DEFB116: variants seen among roughly 807,000 people sequenced by gnomAD.
DEFB116 encodes the protein beta-defensin 116.
Under a neutral mutation model 2.8 loss-of-function variants are expected in DEFB116, and 5 were observed. That is an observed-to-expected ratio of 1.80 (90% CI 0.94 to 3.79). The LOEUF (loss-of-function observed/expected upper bound fraction) is 3.79. DEFB116 is among the 30% of genes most tolerant of loss of function. The pLI is 0.00. For missense variants in DEFB116, 170 were observed against 118.0 expected (o/e 1.44, Z -2.04); for synonymous variants, 56 against 40.8 (o/e 1.37, Z -1.42).
intron 1 of DEFB116, among the ~76,000 whole-genome samples, chr20:31,308,126 C>G (rs1047108309): frequency 1.3e-5 from 2 of 151,926 alleles, no homozygotes; most frequent in Non-Finnish European, 2.9e-5. Flanking sequence ...TGGATATTAC[C>G]CTATCTCTAA....
At chr20:31,306,139 G>A (rs1466457427) in intron 1 of DEFB116, among the ~76,000 whole-genome samples, 1 of 152,054 alleles carries the variant, frequency 6.6e-6, no homozygotes, top group Non-Finnish European at 1.5e-5. Context: ...TGCCTGCTGT[G>A]CAACCAAACA....
chr20:31,306,217 C>T (rs1055637844), intron 1 of DEFB116, among the ~76,000 whole-genome samples: 2 of 152,130 alleles, frequency 1.3e-5, no homozygotes, highest in Admixed American at 6.6e-5. Flanking sequence ...TGATTCATTA[C>T]ATATTCATTC....
At chr20:31,307,355 G>A (rs527515518) in intron 1 of DEFB116, among the ~76,000 whole-genome samples, 2 of 151,938 alleles carry the variant, frequency 1.3e-5, no homozygotes, top group African/African-American at 4.8e-5. Flanking sequence ...GGGAAAACTA[G>A]GTATCTAGAT....
intron 1 of DEFB116, among the ~76,000 whole-genome samples, chr20:31,304,099 C>T (rs1208483729): frequency 1.3e-5 from 2 of 152,076 alleles, no homozygotes; most frequent in African/African-American, 4.8e-5. Context: ...ATTCACAGAT[C>T]CACATTCTCA....
Position 31,303,470 on chromosome 20 carries a change from C to T in DEFB116, c.68-17G>A, listed in dbSNP as rs1483637042. On this transcript the variant is annotated splice_polypyrimidine_tract_variant and intron_variant, in intron 1 of 1. Transcript: ENST00000400549. Reference sequence around the variant, plus strand: ...ACAGGCCACCTGGGAAAGACATGGCCATGTTTAGTTTCCATGCAGCAGTGA... The same window carrying T: ...ACAGGCCACCTGGGAAAGACATGGCTATGTTTAGTTTCCATGCAGCAGTGA... 5.6e-6 allele frequency: 9 copies of T among 1,612,142 alleles called. No homozygotes were observed. The highest frequency in any genetic ancestry group is 3.4e-5 in the Admixed American group (2 of 59,692).
intron 1 of DEFB116, among the ~76,000 whole-genome samples, chr20:31,306,080 T>C (rs1984985866): frequency 6.6e-6 from 1 of 152,104 alleles, no homozygotes; most frequent in Non-Finnish European, 1.5e-5. Flanking sequence ...CTCTGGACCT[T>C]TTTAAAAATT....
At chr20:31,307,008 T>C (rs1176018761) in intron 1 of DEFB116, among the ~76,000 whole-genome samples, 3 of 152,146 alleles carry the variant, frequency 2.0e-5, no homozygotes, top group East Asian at 1.9e-4. Flanking sequence ...CCCATTTCCT[T>C]ATTTAAATCA....
chr20:31,307,843 A>T (rs1245207005), intron 1 of DEFB116, among the ~76,000 whole-genome samples: 1 of 151,798 alleles, frequency 6.6e-6, no homozygotes, highest in Non-Finnish European at 1.5e-5. Flanking sequence ...ACTAACTACA[A>T]CTCAAGCCCT....
Position 31,303,265 on chromosome 20 carries a change from C to A in DEFB116, c.256G>T (p.Asp86Tyr), listed in dbSNP as rs181424547. Residue 86 changes from aspartate (D) to tyrosine (Y), a missense_variant, in exon 2 of 2, where the codon GAC becomes TAC. By Grantham distance (160) the Asp-to-Tyr change is radical. Coordinates refer to ENST00000400549, the MANE Select transcript of DEFB116 (RefSeq NM_001037731.1). Reference sequence around the variant, plus strand: ...GTAACTGACAAGTTGGAGTTAGAGTCGTAATCCTCCTTCACATTTTTAGAA... The same window carrying A: ...GTAACTGACAAGTTGGAGTTAGAGTAGTAATCCTCCTTCACATTTTTAGAA... ...TSSKNVKEDYDSNSNLSVTNS... is the reference protein window; with the variant it reads ...TSSKNVKEDYYSNSNLSVTNS... The A allele has an allele frequency of 1.2e-6, 2 of 1,613,534 alleles. No homozygotes were observed. The highest frequency in any genetic ancestry group is 1.7e-6 in the Non-Finnish European group (2 of 1,179,574).
chr20:31,303,805 G>C (rs1343522156), intron 1 of DEFB116, among the ~76,000 whole-genome samples: 1 of 152,112 alleles, frequency 6.6e-6, no homozygotes, highest in African/African-American at 2.4e-5. Flanking sequence ...CTTCTCCTGA[G>C]AGTATGAGGT....
intron 1 of DEFB116, among the ~76,000 whole-genome samples, chr20:31,304,784 C>T (rs1377559903): frequency 6.6e-6 from 1 of 152,030 alleles, no homozygotes; most frequent in Non-Finnish European, 1.5e-5. Flanking sequence ...AGGCCATGGA[C>T]TCAGTGCTAA....
intron 1 of DEFB116, among the ~76,000 whole-genome samples, chr20:31,308,252 T>C (rs1037788317): frequency 4.6e-5 from 7 of 152,138 alleles, no homozygotes; most frequent in African/African-American, 1.7e-4. Context: ...TAAGCCCCCA[T>C]CCCAATGACA....
At chr20:31,303,515 G>A (rs918269340) in intron 1 of DEFB116, 62 bp from the exon 2 acceptor site, 2 of 1,587,742 alleles carry the variant, frequency 1.3e-6, no homozygotes, top group African/African-American at 2.7e-5. Context: ...GATGAAGCAT[G>A]ATTTAAAGGA....
At chr20:31,307,814 A>G (rs1568708549) in intron 1 of DEFB116, among the ~76,000 whole-genome samples, 1 of 152,030 alleles carries the variant, frequency 6.6e-6, no homozygotes, top group Non-Finnish European at 1.5e-5. Flanking sequence ...ACTGAATAAG[A>G]TACCCACTTT....
chr20:31,305,530 T>C (rs1984973750), intron 1 of DEFB116, among the ~76,000 whole-genome samples: 1 of 152,144 alleles, frequency 6.6e-6, no homozygotes, highest in Non-Finnish European at 1.5e-5. Flanking sequence ...AGTTTCTTAC[T>C]CCTACAGCTT....
chr20:31,308,485 A>G (rs372157777), intron 1 of DEFB116, 34 bp downstream of exon 1: 188 of 1,611,324 alleles, frequency 1.2e-4, no homozygotes, highest in Non-Finnish European at 1.5e-4. Context: ...ACCACATGCA[A>G]GACGCCAGAA....
At position 31,303,321 on chromosome 20, in the gene DEFB116, C is replaced by T. The variant is rs1451532510; in HGVS notation, c.200G>A (p.Cys67Tyr). ...QYLTCPNDQK[C>Y]CLKLSVKITS... Reference sequence around the variant, plus strand: ...TATTTTCACAGAAAGTTTCAGGCAGCACTTTTGATCATTTGGGCAGGTTAA... The same window carrying T: ...TATTTTCACAGAAAGTTTCAGGCAGTACTTTTGATCATTTGGGCAGGTTAA... The change falls in exon 2 of 2, where the codon TGC (cysteine) becomes TAC (tyrosine). Residue 67 changes from cysteine to tyrosine, a missense_variant. Transcript: ENST00000400549. The T allele has an allele frequency of 6.2e-7, 1 of 1,613,606 alleles. No homozygotes were observed. Among genetic ancestry groups the T allele is most frequent in the South Asian group, 1.1e-5 (1 of 91,076 alleles).
Position 31,303,274 on chromosome 20 carries a change from C to T in DEFB116, c.247G>A (p.Glu83Lys). 7 of 1,613,606 alleles carry T rather than the reference C, an allele frequency of 4.3e-6. No homozygotes were observed. Among genetic ancestry groups the T allele is most frequent in the Non-Finnish European group, 5.9e-6 (7 of 1,179,606 alleles). The change falls in exon 2 of 2, where the codon GAG (glutamate) becomes AAG (lysine). Residue 83 changes from glutamate to lysine, a missense_variant. Transcript: ENST00000400549. ...AAGTTGGAGTTAGAGTCGTAATCCTCCTTCACATTTTTAGAACTGGTTATT... is the reference window on the plus strand; with the variant it reads ...AAGTTGGAGTTAGAGTCGTAATCCTTCTTCACATTTTTAGAACTGGTTATT... ...VKITSSKNVKEDYDSNSNLSV... is the reference protein window; with the variant it reads ...VKITSSKNVKKDYDSNSNLSV...
Position 31,308,516 on chromosome 20 carries a change from T to A in DEFB116, c.67+3A>T. 6.2e-7 allele frequency: 1 copy of A among 1,613,418 alleles called. No homozygotes were observed. The highest frequency in any genetic ancestry group is 8.5e-7 in the Non-Finnish European group (1 of 1,179,466). On this transcript the variant is annotated splice_donor_region_variant and intron_variant, in intron 1 of 1. Coordinates refer to ENST00000400549, the MANE Select transcript of DEFB116 (RefSeq NM_001037731.1). ...CAGAACCTTTGAGAGAGGCCTGAGT[T>A]ACCTGGAGTCTTTTGAGCCAGGATC...
Sources: gnomAD v4.1 joint callset for allele counts (sites outside exome capture counted in the v4.1 genomes callset) on GRCh38, gnomAD v4.1.1 for gene constraint, MANE v1.5 for transcripts, NCBI Gene and HGNC (gene_info 2026-07-23, HGNC 2026-07-21) for gene names.